Variants in PLEC observed in about 807,000 individuals in gnomAD.
PLEC encodes the protein hemidesmosomal protein 1.
In PLEC, 216 loss-of-function variants were observed where a neutral mutation model predicts 392.8. The ratio of observed to expected loss-of-function variants is 0.55; its 90% confidence interval spans 0.49 to 0.62. The LOEUF (loss-of-function observed/expected upper bound fraction) is 0.62. Ranked by LOEUF, PLEC falls within the 20% of genes least tolerant of loss-of-function variation. The pLI, the probability that PLEC is intolerant of heterozygous loss-of-function variation, is 0.00. For missense variants in PLEC, 6,863 were observed against 6,563.4 expected (o/e 1.05, Z -1.58); for synonymous variants, 3,621 against 2,980.6 (o/e 1.21, Z -7.00).
At chr8:143,950,267 T>C (rs1174488660) in exon 1 of PLEC, 2 of 1,570,218 alleles carry the variant, frequency 1.3e-6, no homozygotes, top group African/African-American at 2.7e-5. Context: ...AGGTGACACC[T>C]CCTCAAGCTC....
At chr8:143,958,636 A>G (rs554889516), upstream of PLEC, 2 of 451,616 alleles carry the variant, frequency 4.4e-6, no homozygotes, top group East Asian at 7.0e-5. The surrounding 1 kb of genome is among the most constrained non-coding windows in gnomAD (Gnocchi z 4.9). Context: ...CTCCGAGCAC[A>G]AGCAGGTCCC....
At chr8:143,935,388 C>T (rs1305707625) in intron 6 of PLEC, 75 bp from the exon 7 acceptor site, 4 of 966,430 alleles carry the variant, frequency 4.1e-6, no homozygotes, top group African/African-American at 1.6e-5. Flanking sequence ...GTGCACAGGC[C>T]GGCTCCTCAC....
rs1404090605 is a variant in PLEC at position 143,969,402 on chromosome 8, A to G, written c.70+4001T>C. On this transcript the variant is annotated intron_variant, in intron 1 of 31. Coordinates refer to the PLEC transcript ENST00000356346. This position sits in a 1 kb window ranked among gnomAD's most constrained non-coding sequence, Gnocchi z 5.1. Reference sequence around the variant, plus strand: ...GAGAGCTCTGGGCACCCTATGGGAGAGGCCTCCGTGCTGAGGGCTGTGGGC... The same window carrying G: ...GAGAGCTCTGGGCACCCTATGGGAGGGGCCTCCGTGCTGAGGGCTGTGGGC... Among the ~76,000 whole-genome samples, 3 of 152,098 alleles carry G rather than the reference A, an allele frequency of 2.0e-5. No homozygotes were observed. The highest frequency in any genetic ancestry group is 4.4e-5 in the Non-Finnish European group (3 of 68,008).
At position 143,916,362 on chromosome 8, in the gene PLEC, C is replaced by A. The variant is rs781850956; in HGVS notation, c.13459G>T (p.Ala4487Ser). The A allele has an allele frequency of 1.2e-6, 2 of 1,607,266 alleles. No homozygotes were observed. Among genetic ancestry groups the A allele is most frequent in the Non-Finnish European group, 1.7e-6 (2 of 1,177,342 alleles). ...PYSVSGSGST[A>S]GSRTGSRTGS... ...GTGCGCGAGCCGGTGCGGGAGCCAGCGGTAGAGCCGGAGCCGCTGACGCTG... is the reference window on the plus strand; with the variant it reads ...GTGCGCGAGCCGGTGCGGGAGCCAGAGGTAGAGCCGGAGCCGCTGACGCTG... The change falls in exon 32 of 32, where the codon GCT becomes TCT. Residue 4487 changes from alanine (A) to serine (S), a missense_variant. By Grantham distance (99) the Ala-to-Ser change is moderately conservative (BLOSUM62 1). Transcript: ENST00000345136.
In PLEC at chr8:143,919,205, C is replaced by A. The variant is rs201235310; in HGVS notation, c.10616G>T (p.Arg3539Leu). ...RCVEDPETGLRLLPLKGAEKA... is the reference protein window; with the variant it reads ...RCVEDPETGLLLLPLKGAEKA... ...CTCCGCCCCTTTCAGTGGCAGAAGG[C>A]GCAAGCCCGTCTCGGGGTCCTCCAC... Residue 3539 changes from arginine to leucine, a missense_variant, in exon 32 of 32, where the codon CGC (arginine) becomes CTC (leucine). Arg to Leu is a moderately radical substitution (Grantham distance 102). Transcript: ENST00000345136. 2.5e-6 allele frequency: 4 copies of A among 1,613,748 alleles called. No homozygotes were observed. In the East Asian group the frequency reaches 8.9e-5, roughly 36 times the overall value.
chr8:143,921,269 T>C lies in PLEC; in HGVS notation c.8552A>G (p.Lys2851Arg). Residue 2851 changes from lysine (K) to arginine (R), a missense_variant, in exon 32 of 32, where the codon AAG becomes AGG. Lys to Arg is a conservative substitution (Grantham distance 26). Transcript: ENST00000345136. ...GTGCGTGTTGGGGTCAAAGAAGCCCTTGGTGTCGTCGCTGGGGTCCGCCAG... is the reference window on the plus strand; with the variant it reads ...GTGCGTGTTGGGGTCAAAGAAGCCCCTGGTGTCGTCGCTGGGGTCCGCCAG... ...RVLADPSDDT[K>R]GFFDPNTHEN... 1.2e-6 allele frequency: 2 copies of C among 1,614,078 alleles called. No homozygotes were observed. Among genetic ancestry groups the C allele is most frequent in the East Asian group, 2.2e-5 (1 of 44,868 alleles).
Position 143,918,740 on chromosome 8 carries a change from C to A in PLEC, c.11081G>T (p.Gly3694Val). The stretch of plus-strand genomic sequence containing the variant: ...CTGCCTGGAACCGGGCAGGTAGACA[C>A]CAGCCACGGAGCCCGTGCCATAGAG... ...CYLYGTGSVA[G>V]VYLPGSRQTL... Residue 3694 changes from glycine to valine, a missense_variant, in exon 32 of 32, where the codon GGT becomes GTT. Gly to Val is a moderately radical substitution (Grantham distance 109). Coordinates refer to ENST00000345136, the MANE Select transcript of PLEC (RefSeq NM_201384.3). 6.2e-7 allele frequency: 1 copy of A among 1,613,036 alleles called. No homozygotes were observed. The highest frequency in any genetic ancestry group is 8.5e-7 in the Non-Finnish European group (1 of 1,180,008).
chr8:143,924,631 C>T lies in PLEC; in HGVS notation c.5298G>A (p.Val1766=), dbSNP rs1554698434. Residue 1766 remains valine, a synonymous_variant, in exon 31 of 32, where the codon GTG becomes GTA. Transcript: ENST00000345136. ...CAGCCCTCGCCTTGCTGGCCAGCAG[C>T]ACCTCCATCTCGGCCCGCACCTTGG... ...ELAKVRAEME[V]LLASKARAEE... 6.5e-7 allele frequency: 1 copy of T among 1,539,354 alleles called. No individual in the cohort carries two copies. Among genetic ancestry groups the T allele is most frequent in the Admixed American group, 1.9e-5 (1 of 51,662 alleles).
chr8:143,960,173 T>C (rs1446897550), intron 1 of PLEC, among the ~76,000 whole-genome samples: 1 of 151,334 alleles, frequency 6.6e-6, no homozygotes, highest in Non-Finnish European at 1.5e-5. Context: ...TCCCAGCTAC[T>C]TGTGAGGCTG....
chr8:143,974,142 T>C (rs1261541854), upstream of PLEC, among the ~76,000 whole-genome samples: 4 of 152,248 alleles, frequency 2.6e-5, no homozygotes, highest in Non-Finnish European at 5.9e-5. This position sits in a 1 kb window ranked among gnomAD's most constrained non-coding sequence, Gnocchi z 5.9. Context: ...CCATATGTCC[T>C]GTAACTGCAA....
chr8:143,964,010 A>C (rs1168449923), intron 1 of PLEC, among the ~76,000 whole-genome samples: 2 of 151,968 alleles, frequency 1.3e-5, no homozygotes, highest in Non-Finnish European at 2.9e-5. Context: ...ACAAGGCTTC[A>C]CCATGTTGGC....
rs1554703987 is a variant in PLEC, at chr8:143,925,768, C to T, written c.4161G>A (p.Glu1387=). Residue 1387 remains glutamate, a synonymous_variant, in exon 31 of 32, where the codon GAG becomes GAA. Transcript: ENST00000345136. Reference sequence around the variant, plus strand: ...GCTGCTGCAGCTCCTTCGCCTCCCGCTCCGCCTGTGCCTTTGCCTGGGCGT... The same window carrying T: ...GCTGCTGCAGCTCCTTCGCCTCCCGTTCCGCCTGTGCCTTTGCCTGGGCGT... ...EAHAQAKAQA[E]REAKELQQRM... 1 of 1,590,930 alleles carries T rather than the reference C, an allele frequency of 6.3e-7. No homozygotes were observed. The highest frequency in any genetic ancestry group is 8.5e-7 in the Non-Finnish European group (1 of 1,175,828).
rs1824902292 is a variant in PLEC, at chr8:143,925,758, T to C, written c.4171A>G (p.Lys1391Glu). 1.9e-6 allele frequency: 3 copies of C among 1,592,846 alleles called. No homozygotes were observed. The highest frequency in any genetic ancestry group is 1.1e-5 in the South Asian group (1 of 90,368). The change falls in exon 31 of 32, where the codon AAG (lysine) becomes GAG (glutamate). Residue 1391 changes from lysine (K) to glutamate (E), a missense_variant. Physicochemically the swap from Lys to Glu is moderately conservative, Grantham distance 56 (BLOSUM62 1). Coordinates refer to ENST00000345136, the MANE Select transcript of PLEC (RefSeq NM_201384.3). ...QAKAQAEREA[K>E]ELQQRMQEEV... The stretch of plus-strand genomic sequence containing the variant: ...TCCTGCATGCGCTGCTGCAGCTCCT[T>C]CGCCTCCCGCTCCGCCTGTGCCTTT...
chr8:143,955,326 A>G (rs1554738913), upstream of PLEC, among the ~76,000 whole-genome samples: 1 of 152,032 alleles, frequency 6.6e-6, no homozygotes, highest in Non-Finnish European at 1.5e-5. Flanking sequence ...AAAATACACA[A>G]AAAAATCAGC....
Position 143,919,939 on chromosome 8 carries a change from C to T in PLEC, c.9882G>A (p.Glu3294=), listed in dbSNP as rs1821970698. Reference sequence around the variant, plus strand: ...GCCTCTCCTGCCGCAGGGTCTCCACCTCCTCCACGATGGTAATGAGAATCT... The same window carrying T: ...GCCTCTCCTGCCGCAGGGTCTCCACTTCCTCCACGATGGTAATGAGAATCT... ...VIKILITIVE[E]VETLRQERLS... The change falls in exon 32 of 32, where the codon GAG becomes GAA. Residue 3294 remains glutamate (E), a synonymous_variant. Transcript: ENST00000345136. 6.2e-7 allele frequency: 1 copy of T among 1,613,328 alleles called. No individual in the cohort carries two copies. The highest frequency in any genetic ancestry group is 8.5e-7 in the Non-Finnish European group (1 of 1,180,048).
rs1554704033 is a variant in PLEC, at chr8:143,925,773, C to T, written c.4156G>A (p.Ala1386Thr). Residue 1386 changes from alanine (A) to threonine (T), a missense_variant, in exon 31 of 32, where the codon GCG (alanine) becomes ACG (threonine). Physicochemically the swap from Ala to Thr is moderately conservative, Grantham distance 58. Coordinates refer to ENST00000345136, the MANE Select transcript of PLEC (RefSeq NM_201384.3). ...TGCAGCTCCTTCGCCTCCCGCTCCGCCTGTGCCTTTGCCTGGGCGTGCGCC... is the reference window on the plus strand; with the variant it reads ...TGCAGCTCCTTCGCCTCCCGCTCCGTCTGTGCCTTTGCCTGGGCGTGCGCC... ...AEAHAQAKAQ[A>T]EREAKELQQR... is the part of the protein sequence containing the mutation. 6.3e-7 allele frequency: 1 copy of T among 1,590,146 alleles called. No individual in the cohort carries two copies. Among genetic ancestry groups the T allele is most frequent in the Non-Finnish European group, 8.5e-7 (1 of 1,175,456 alleles).
At chr8:143,952,996 C>G (rs1246554408), upstream of PLEC, among the ~76,000 whole-genome samples, 13 of 135,626 alleles carry the variant, frequency 9.6e-5, no homozygotes, top group African/African-American at 3.0e-4. Context: ...GCGCCACCCC[C>G]CCCCGCCTCG....
upstream of PLEC, among the ~76,000 whole-genome samples, chr8:143,955,891 C>T (rs534932925): frequency 2.7e-3 from 405 of 151,622 alleles, 1 homozygote; most frequent in Middle Eastern, 6.9e-3. Flanking sequence ...ACTGCCTGGT[C>T]CAGATCAATT....
At chr8:143,940,243 G>A (rs1303501185), upstream of PLEC, among the ~76,000 whole-genome samples, 3 of 152,284 alleles carry the variant, frequency 2.0e-5, no homozygotes, top group Admixed American at 6.5e-5. Flanking sequence ...GCCCACCTGC[G>A]GAGCCCACCC....
Sources: allele counts gnomAD v4.1 joint callset (sites outside exome capture counted in the v4.1 genomes callset), GRCh38; gene constraint gnomAD v4.1.1; non-coding constraint Gnocchi (gnomAD v3.1); transcripts MANE v1.5; gene names NCBI Gene and HGNC (gene_info 2026-07-23, HGNC 2026-07-21).